The following STAU2 variants were observed in gnomAD, a reference collection of about 807,000 sequenced individuals.
STAU2 encodes the protein staufen double-stranded RNA binding protein 2.
STAU2 carries 20 observed loss-of-function variants against 65.9 expected under a neutral mutation model. The observed-to-expected ratio is 0.30, with a 90% confidence interval of 0.21 to 0.44. STAU2 has a LOEUF of 0.44. Among genes scored for constraint, STAU2 ranks in the 20% least tolerant of loss-of-function variants. The pLI is 1.00. For synonymous variants in STAU2, 232 were observed against 233.9 expected, an observed-to-expected ratio of 0.99 and a Z score of 0.07; for missense variants, 558 against 683.9, an observed-to-expected ratio of 0.82 and a Z score of 2.05.
intron 10 of STAU2, among the ~76,000 whole-genome samples, chr8:73,600,542 G>A (rs1811560772): frequency 6.6e-6 from 1 of 152,208 alleles, no homozygotes; most frequent in Non-Finnish European, 1.5e-5. Flanking sequence ...CCTGGCTAGA[G>A]TACCTCTGCT....
intron 13 of STAU2, among the ~76,000 whole-genome samples, chr8:73,535,726 A>T (rs895996309): frequency 1.3e-5 from 2 of 152,230 alleles, no homozygotes; most frequent in African/African-American, 4.8e-5. Flanking sequence ...TAAACGGCAG[A>T]GGGCTTTGTA....
intron 6 of STAU2, among the ~76,000 whole-genome samples, chr8:73,632,658 G>T (rs1256311543): frequency 1.3e-5 from 2 of 152,150 alleles, no homozygotes; most frequent in Non-Finnish European, 2.9e-5. Context: ...ACAAGAGTAT[G>T]ACCATGGTGA....
chr8:73,668,171 C>G (rs1817374072), intron 6 of STAU2, among the ~76,000 whole-genome samples: 1 of 151,966 alleles, frequency 6.6e-6, no homozygotes, highest in Non-Finnish European at 1.5e-5. Flanking sequence ...TTCTTCACTA[C>G]AAGTCTACAG....
intron 11 of STAU2, among the ~76,000 whole-genome samples, chr8:73,583,687 T>G (rs1000238728): frequency 1.3e-5 from 2 of 151,956 alleles, no homozygotes; most frequent in Non-Finnish European, 2.9e-5. Flanking sequence ...AAAAATGACA[T>G]ATACAAAAAA....
chr8:73,702,553 A>C (rs1324125386), intron 4 of STAU2, among the ~76,000 whole-genome samples: 7 of 152,140 alleles, frequency 4.6e-5, no homozygotes, highest in African/African-American at 1.7e-4. Flanking sequence ...TATACCTACT[A>C]TGTACCCACA....
At chr8:73,740,626 A>G (rs1806784586) in intron 1 of STAU2, among the ~76,000 whole-genome samples, 1 of 152,088 alleles carries the variant, frequency 6.6e-6, no homozygotes, top group Admixed American at 6.5e-5. Context: ...TTTTTTTTTA[A>G]CTGAAAACAG....
intron 11 of STAU2, 53 bp from the exon 12 acceptor site, chr8:73,582,883 G>GAAA: frequency 6.9e-6 from 8 of 1,156,222 alleles, no homozygotes; most frequent in South Asian, 1.7e-5. Flanking sequence ...TATTCAAAAA[G>GAAA]AAAAAAAAAA....
chr8:73,536,245 T>C (rs1806174428), intron 13 of STAU2, among the ~76,000 whole-genome samples: 1 of 152,146 alleles, frequency 6.6e-6, no homozygotes, highest in Non-Finnish European at 1.5e-5. Context: ...CAAGGAATAA[T>C]ACAGTAGTGA....
intron 10 of STAU2, among the ~76,000 whole-genome samples, chr8:73,598,607 G>A (rs1322011932): frequency 1.3e-5 from 2 of 152,026 alleles, no homozygotes; most frequent in Non-Finnish European, 2.9e-5. Flanking sequence ...ACTTAATGTT[G>A]AACGAAACTA....
chr8:73,546,256 C>G (rs1806929287), intron 13 of STAU2, among the ~76,000 whole-genome samples: 1 of 151,462 alleles, frequency 6.6e-6, no homozygotes, highest in Non-Finnish European at 1.5e-5. Flanking sequence ...CATGAGCCAC[C>G]ATGCCCAGCC....
rs560827378 is a variant in STAU2, at chr8:73,529,711, TACAG to T, written c.1530+22297_1530+22300del. ...CAAGTACTAATAAAACATTGTGCCT[TACAG>T]ACATTCAATATTAGTGTGTTTACAT... On this transcript the variant is annotated intron_variant, in intron 13 of 14. Coordinates refer to ENST00000524300, the MANE Select transcript of STAU2 (RefSeq NM_001164380.2). 4.2e-4 allele frequency among the ~76,000 whole-genome samples: 64 copies of T among 152,324 alleles called. 1 individual carries two copies. The highest frequency in any genetic ancestry group is 7.9e-4 in the Non-Finnish European group (54 of 68,020).
At chr8:73,545,173 C>CT (rs1806815869) in intron 13 of STAU2, among the ~76,000 whole-genome samples, 1 of 152,184 alleles carries the variant, frequency 6.6e-6, no homozygotes, top group Non-Finnish European at 1.5e-5. Flanking sequence ...TATCTACCAC[C>CT]TATCTTTCCC....
chr8:73,729,481 G>A (rs564412099), intron 3 of STAU2, among the ~76,000 whole-genome samples: 3 of 152,210 alleles, frequency 2.0e-5, no homozygotes, highest in South Asian at 2.1e-4. Context: ...GTTTGAGAGC[G>A]ATTCTCATAC....
chr8:73,712,693 A>T (rs1444539719), intron 3 of STAU2, among the ~76,000 whole-genome samples: 3 of 152,172 alleles, frequency 2.0e-5, no homozygotes, highest in African/African-American at 4.8e-5. Flanking sequence ...AGTGGCTCAC[A>T]TCTGTAATCC....
At chr8:73,705,134 T>C (rs997099322) in intron 4 of STAU2, among the ~76,000 whole-genome samples, 4 of 152,186 alleles carry the variant, frequency 2.6e-5, no homozygotes, top group African/African-American at 7.2e-5. Flanking sequence ...ATGATATAAT[T>C]ATTTGGGTAC....
chr8:73,694,867 A>C (rs1327880390), intron 4 of STAU2, among the ~76,000 whole-genome samples: 5 of 152,210 alleles, frequency 3.3e-5, no homozygotes, highest in Admixed American at 6.5e-5. Context: ...GACAATGAAA[A>C]TGTGCTGGAC....
chr8:73,471,861 G>T (rs1053927574), intron 13 of STAU2, among the ~76,000 whole-genome samples: 20 of 148,768 alleles, frequency 1.3e-4, no homozygotes, highest in African/African-American at 5.0e-4. Flanking sequence ...GAAGGAGAAG[G>T]AGAAGAAAGA....
At chr8:73,581,429 T>C (rs1238998804) in intron 12 of STAU2, among the ~76,000 whole-genome samples, 1 of 152,172 alleles carries the variant, frequency 6.6e-6, no homozygotes, top group African/African-American at 2.4e-5. Context: ...CATAGAATAG[T>C]ATCATTTTTA....
intron 13 of STAU2, among the ~76,000 whole-genome samples, chr8:73,536,974 A>G (rs2128935813): frequency 6.6e-6 from 1 of 152,366 alleles, no homozygotes; most frequent in South Asian, 2.1e-4. Flanking sequence ...AAGATGTCAC[A>G]GATGATAGAC....
Sources: allele counts gnomAD v4.1 joint callset (sites outside exome capture counted in the v4.1 genomes callset), GRCh38; gene constraint gnomAD v4.1.1; transcripts MANE v1.5; gene names NCBI Gene and HGNC (gene_info 2026-07-23, HGNC 2026-07-21).